OSBPL3: variants seen among roughly 807,000 people sequenced by gnomAD.
The protein encoded by OSBPL3 is oxysterol-binding protein-related protein 3.
OSBPL3 carries 65 observed loss-of-function variants against 120.1 expected under a neutral mutation model. That is an observed-to-expected ratio of 0.54 (90% CI 0.44 to 0.67). The LOEUF (loss-of-function observed/expected upper bound fraction) is 0.67, where lower values mean the gene tolerates loss of function less well. OSBPL3 is among the 30% of genes least tolerant of loss of function. The pLI is 0.00. For missense variants in OSBPL3, 1,004 were observed against 1,082.1 expected (o/e 0.93, Z 1.01); for synonymous variants, 416 against 402.6 (o/e 1.03, Z -0.40).
chr7:24,913,815 C>T lies in OSBPL3; in HGVS notation c.-149-21194G>A, dbSNP rs146000575. ...ACAGGGTCAGTCAGTGGGGATACAA[C>T]TAGGACGAGGACAAGGACCAAGGAC... On this transcript the variant is annotated intron_variant, in intron 1 of 22. Transcript: ENST00000313367. This position sits in a 1 kb window ranked among gnomAD's most constrained non-coding sequence, Gnocchi z 5.3. 3.1e-3 allele frequency among the ~76,000 whole-genome samples: 471 copies of T among 152,248 alleles called. 1 individual carries two copies. In the Middle Eastern group the frequency reaches 0.037, roughly 12 times the overall value.
At chr7:24,882,560 G>C (rs1212720969) in intron 2 of OSBPL3, among the ~76,000 whole-genome samples, 4 of 152,194 alleles carry the variant, frequency 2.6e-5, no homozygotes, top group Non-Finnish European at 5.9e-5. Flanking sequence ...ATAAACATAT[G>C]AGTGCAGGTA....
chr7:24,933,418 T>C lies in OSBPL3; in HGVS notation c.-149-40797A>G, dbSNP rs919686920. On this transcript the variant is annotated intron_variant, in intron 1 of 22. Transcript: ENST00000313367. The surrounding 1 kb of genome is among the most constrained non-coding windows in gnomAD (Gnocchi z 5.1). ...GACTCTGATTTGTTACTGAATAATT[T>C]CATGGACATAACAATATGTTAAGTT... is the stretch of plus-strand genomic sequence containing the variant. 4.6e-5 allele frequency among the ~76,000 whole-genome samples: 7 copies of C among 152,200 alleles called. No homozygotes were observed. Among genetic ancestry groups the C allele is most frequent in the Non-Finnish European group, 8.8e-5 (6 of 68,028 alleles).
chr7:24,876,472 T>C (rs1802860872), intron 2 of OSBPL3, among the ~76,000 whole-genome samples: 1 of 152,156 alleles, frequency 6.6e-6, no homozygotes, highest in Admixed American at 6.5e-5. Context: ...TTGGTCTTTT[T>C]TTCCCAAGCT....
intron 14 of OSBPL3, among the ~76,000 whole-genome samples, chr7:24,839,659 T>A (rs1054932916): frequency 3.3e-5 from 5 of 152,166 alleles, no homozygotes; most frequent in Non-Finnish European, 5.9e-5. Context: ...AAAAGCCATA[T>A]TCTAACATGT....
chr7:24,863,578 T>A lies in OSBPL3; in HGVS notation c.695A>T (p.Tyr232Phe), dbSNP rs868416712. The A allele has an allele frequency of 1.9e-6, 3 of 1,613,842 alleles. No individual in the cohort carries two copies. The highest frequency in any genetic ancestry group is 1.7e-4 in the Middle Eastern group (1 of 6,060). ...CSKDLAHCHAYLVEMSQLLQS... is the reference protein window; with the variant it reads ...CSKDLAHCHAFLVEMSQLLQS... ...CAGGAGCTGGCTCATTTCTACCAGGTAGGCATGACAGTGCGCCAGGTCTGT... is the reference window on the plus strand; with the variant it reads ...CAGGAGCTGGCTCATTTCTACCAGGAAGGCATGACAGTGCGCCAGGTCTGT... Residue 232 changes from tyrosine (Y) to phenylalanine (F), a missense_variant, in exon 8 of 23, where the codon TAC (tyrosine) becomes TTC (phenylalanine). By Grantham distance (22) the Tyr-to-Phe change is conservative. Transcript: ENST00000313367. This position sits in a 1 kb window ranked among gnomAD's most constrained non-coding sequence, Gnocchi z 5.8.
rs1048267604 is a variant in OSBPL3 at position 24,952,615 on chromosome 7, G to A, written c.-150+27271C>T. Among the ~76,000 whole-genome samples the A allele has an allele frequency of 1.8e-4, 27 of 152,090 alleles. No individual in the cohort carries two copies. The highest frequency in any genetic ancestry group is 4.8e-4 in the African/African-American group (20 of 41,398). ...TCAAATTTATCATGTATCTCAATAC[G>A]GTTCATGCCAGGCATATGTATATTC... is the stretch of plus-strand genomic sequence containing the variant. On this transcript the variant is annotated intron_variant, in intron 1 of 22. Coordinates refer to ENST00000313367, the MANE Select transcript of OSBPL3 (RefSeq NM_015550.4). This position sits in a 1 kb window ranked among gnomAD's most constrained non-coding sequence, Gnocchi z 4.4.
In OSBPL3 at chr7:24,891,107, C is replaced by G. The variant is rs1721811100; in HGVS notation, c.96+1270G>C. On this transcript the variant is annotated intron_variant, in intron 2 of 22. Coordinates refer to ENST00000313367, the MANE Select transcript of OSBPL3 (RefSeq NM_015550.4). This position sits in a 1 kb window ranked among gnomAD's most constrained non-coding sequence, Gnocchi z 4.1. ...GAGTTTTGGCTTAGGGAGAAAAATA[C>G]TCCTGTGGAAAGCTGACAAAGAGGA... 6.6e-6 allele frequency among the ~76,000 whole-genome samples: 1 copy of G among 152,290 alleles called. No homozygotes were observed. The highest frequency in any genetic ancestry group is 1.5e-5 in the Non-Finnish European group (1 of 68,020).
chr7:24,914,780 G>A (rs1001565417), intron 1 of OSBPL3, among the ~76,000 whole-genome samples: 2 of 152,138 alleles, frequency 1.3e-5, no homozygotes, highest in Non-Finnish European at 2.9e-5. Flanking sequence ...CATGAGATCA[G>A]CAGGGTTTTT....
chr7:24,921,297 C>A (rs552319596), intron 1 of OSBPL3, among the ~76,000 whole-genome samples: 1 of 152,210 alleles, frequency 6.6e-6, no homozygotes, highest in East Asian at 1.9e-4. Flanking sequence ...ACAAACCAAC[C>A]CATCACGAAT....
chr7:24,869,725 G>A (rs1003836576), intron 5 of OSBPL3, among the ~76,000 whole-genome samples: 8 of 152,188 alleles, frequency 5.3e-5, no homozygotes, highest in African/African-American at 1.7e-4. Flanking sequence ...GATACAGTTA[G>A]GCTAGGAAAT....
upstream of OSBPL3, chr7:24,980,233 G>T: frequency 5.4e-6 from 1 of 183,862 alleles, no homozygotes; most frequent in Non-Finnish European, 1.0e-5. Context: ...GGGAGCGCAG[G>T]GGAGGGGCCT....
At position 24,972,993 on chromosome 7, in the gene OSBPL3, A is replaced by G. The variant is rs1421388147; in HGVS notation, c.-150+6893T>C. On this transcript the variant is annotated intron_variant, in intron 1 of 22. Transcript: ENST00000313367. The surrounding 1 kb of genome is among the most constrained non-coding windows in gnomAD (Gnocchi z 4.3). The stretch of plus-strand genomic sequence containing the variant: ...TTGAGGAAAGTATCTGACCCACACA[A>G]TACTAAAAATAAAGATTTTAGTATT... Among the ~76,000 whole-genome samples, 1 of 152,212 alleles carries G rather than the reference A, an allele frequency of 6.6e-6. No homozygotes were observed. Among genetic ancestry groups the G allele is most frequent in the East Asian group, 1.9e-4 (1 of 5,206 alleles).
chr7:24,809,153 T>C (rs947247086), intron 20 of OSBPL3, among the ~76,000 whole-genome samples: 3 of 152,188 alleles, frequency 2.0e-5, no homozygotes, highest in African/African-American at 7.2e-5. Flanking sequence ...CTGTTTGGTT[T>C]TTTACCAGCC....
intron 10 of OSBPL3, among the ~76,000 whole-genome samples, chr7:24,858,093 TCAA>T (rs1418968717): frequency 6.6e-6 from 1 of 152,224 alleles, no homozygotes; most frequent in Non-Finnish European, 1.5e-5. Context: ...AACAACTGGT[TCAA>T]CAATATGCCA....
At chr7:24,865,081 T>G (rs745654967) in intron 7 of OSBPL3, among the ~76,000 whole-genome samples, 52 of 152,140 alleles carry the variant, frequency 3.4e-4, no homozygotes, top group Non-Finnish European at 6.5e-4. Context: ...TATAGGCCCA[T>G]GTGGAAATCA....
Position 24,912,184 on chromosome 7 carries a change from C to T in OSBPL3, c.-149-19563G>A, listed in dbSNP as rs908636143. ...AAGTAAGAAAATATTCTCAAGTATC[C>T]ATTTATCAAACTTTAAAAATTTGTG... On this transcript the variant is annotated intron_variant, in intron 1 of 22. Transcript: ENST00000313367. This position sits in a 1 kb window ranked among gnomAD's most constrained non-coding sequence, Gnocchi z 4.5. Among the ~76,000 whole-genome samples, 2 of 152,126 alleles carry T rather than the reference C, an allele frequency of 1.3e-5. No individual in the cohort carries two copies. Among genetic ancestry groups the T allele is most frequent in the African/African-American group, 4.8e-5 (2 of 41,416 alleles).
intron 1 of OSBPL3, among the ~76,000 whole-genome samples, chr7:24,943,401 AT>A (rs1352437468): frequency 6.6e-6 from 1 of 152,182 alleles, no homozygotes; most frequent in African/African-American, 2.4e-5. Context: ...GACAAAAAAC[AT>A]TTCAGTCTGT....
Position 24,863,718 on chromosome 7 carries a change from A to G in OSBPL3, c.674-119T>C. The G allele has an allele frequency of 1.5e-6, 1 of 663,548 alleles. No homozygotes were observed. Among genetic ancestry groups the G allele is most frequent in the African/African-American group, 1.8e-5 (1 of 55,068 alleles). 41.1% of individuals were successfully genotyped at this position (663,548 alleles called of 1,614,324 possible). A position where few individuals can be genotyped will look rare whatever the true frequency, so the allele number is the denominator to read the frequency against. ...GTAGTTGATTTTTTTTTTCATCTGTAAGGGTTGGAAATTTTACTTCCTTTT... is the reference window on the plus strand; with the variant it reads ...GTAGTTGATTTTTTTTTTCATCTGTGAGGGTTGGAAATTTTACTTCCTTTT... On this transcript the variant is annotated intron_variant, in intron 7 of 22. Transcript: ENST00000313367. The surrounding 1 kb of genome is among the most constrained non-coding windows in gnomAD (Gnocchi z 5.8).
intron 1 of OSBPL3, among the ~76,000 whole-genome samples, chr7:24,976,025 G>A (rs953640803): frequency 2.0e-5 from 3 of 152,176 alleles, no homozygotes; most frequent in African/African-American, 7.2e-5. Flanking sequence ...CCAGTCTGCT[G>A]GATCGTGACT....
Sources: allele counts gnomAD v4.1 joint callset (sites outside exome capture counted in the v4.1 genomes callset), GRCh38; gene constraint gnomAD v4.1.1; non-coding constraint Gnocchi (gnomAD v3.1); transcripts MANE v1.5; gene names NCBI Gene and HGNC (gene_info 2026-07-23, HGNC 2026-07-21).